The following PRDM11 variants were observed in gnomAD, a reference collection of about 807,000 sequenced individuals.
The protein encoded by PRDM11 is PR/SET domain 11, also known as PR domain-containing protein 11.
In PRDM11, 20 loss-of-function variants were observed where a neutral mutation model predicts 97.8. That is an observed-to-expected ratio of 0.20 (90% CI 0.14 to 0.30). The LOEUF (loss-of-function observed/expected upper bound fraction) is 0.30, where lower values mean the gene tolerates loss of function less well. Among genes scored for constraint, PRDM11 ranks in the 10% least tolerant of loss-of-function variants. The pLI, the probability that PRDM11 is intolerant of heterozygous loss-of-function variation, is 1.00. For missense variants in PRDM11, 1,139 were observed against 1,555.2 expected (o/e 0.73, Z 4.50); for synonymous variants, 599 against 637.7 (o/e 0.94, Z 0.91).
upstream of PRDM11, among the ~76,000 whole-genome samples, chr11:45,145,025 C>A (rs1031892493): frequency 1.3e-5 from 2 of 152,040 alleles, no homozygotes; most frequent in African/African-American, 2.4e-5. Context: ...CTGCCTGGCA[C>A]CAAGCAGAGA....
chr11:45,112,790 G>C (rs1367707134), intron 1 of PRDM11, among the ~76,000 whole-genome samples: 1 of 141,666 alleles, frequency 7.1e-6, no homozygotes, highest in Non-Finnish European at 1.5e-5. Flanking sequence ...GGGATTATTT[G>C]TGTGTGTGTG....
chr11:45,135,128 ACTCTCT>A (rs58588988), intron 1 of PRDM11, among the ~76,000 whole-genome samples: 129 of 148,928 alleles, frequency 8.7e-4, no homozygotes, highest in Non-Finnish European at 1.1e-3. Flanking sequence ...TTTTAATTAT[ACTCTCT>A]CTCTCTCTCT....
rs1565347368 is a variant in PRDM11 at position 45,224,661 on chromosome 11, C to T, written c.1187C>T (p.Ala396Val). 6.2e-7 allele frequency: 1 copy of T among 1,614,190 alleles called. No individual in the cohort carries two copies. The change falls in exon 7 of 8, where the codon GCC becomes GTC. Residue 396 changes from alanine (A) to valine (V), a missense_variant. Physicochemically the swap from Ala to Val is moderately conservative, Grantham distance 64. Coordinates refer to ENST00000683152, the MANE Select transcript of PRDM11 (RefSeq NM_001384648.1). ...SSFKADSPAEASLASDPHELP... is the reference protein window; with the variant it reads ...SSFKADSPAEVSLASDPHELP... Reference sequence around the variant, plus strand: ...TTCAAGGCCGACAGTCCTGCCGAGGCCTCCCTTGCATCTGACCCTCATGAA... The same window carrying T: ...TTCAAGGCCGACAGTCCTGCCGAGGTCTCCCTTGCATCTGACCCTCATGAA...
chr11:45,095,375 A>C (rs188519684), upstream of PRDM11, among the ~76,000 whole-genome samples: 11 of 152,100 alleles, frequency 7.2e-5, no homozygotes, highest in Admixed American at 3.3e-4. Flanking sequence ...ATCCCCTGAC[A>C]TTTGGCCTTG....
intron 1 of PRDM11, among the ~76,000 whole-genome samples, chr11:45,156,988 G>A (rs1283672048): frequency 6.6e-6 from 1 of 152,204 alleles, no homozygotes; most frequent in East Asian, 1.9e-4. Context: ...GGAGAGGCAG[G>A]TGAGGGCCAG....
intron 1 of PRDM11, among the ~76,000 whole-genome samples, chr11:45,101,567 A>AAAAGAAGAAGAAG (rs767802218): frequency 1.4e-4 from 14 of 96,864 alleles, no homozygotes; most frequent in African/African-American, 5.8e-4. Flanking sequence ...AAAAAAAAAA[A>AAAAGAAGAAGAAG]AAGAAGAAGA....
At chr11:45,119,076 A>G (rs1206085330) in intron 1 of PRDM11, among the ~76,000 whole-genome samples, 2 of 152,182 alleles carry the variant, frequency 1.3e-5, no homozygotes, top group African/African-American at 4.8e-5. Flanking sequence ...ACACAAGACC[A>G]TATTCTTCCA....
At chr11:45,209,841 A>T (rs1853655402) in intron 5 of PRDM11, among the ~76,000 whole-genome samples, 1 of 152,206 alleles carries the variant, frequency 6.6e-6, no homozygotes, top group Non-Finnish European at 1.5e-5. Flanking sequence ...AGGAGTGGGT[A>T]AAACTGGCTC....
At chr11:45,125,924 A>G (rs1357401984) in intron 1 of PRDM11, among the ~76,000 whole-genome samples, 1 of 152,138 alleles carries the variant, frequency 6.6e-6, no homozygotes, top group Non-Finnish European at 1.5e-5. Context: ...TGATCTGTCT[A>G]ATGTTGACAG....
intron 5 of PRDM11, among the ~76,000 whole-genome samples, chr11:45,216,528 T>A (rs971345976): frequency 1.3e-5 from 2 of 152,110 alleles, no homozygotes; most frequent in African/African-American, 4.8e-5. Flanking sequence ...AAGCAGGAGA[T>A]CTAATCAGAG....
rs1309969182 is a variant in PRDM11, at chr11:45,146,688, G to C, written c.-196G>C. The C allele has an allele frequency of 6.6e-6, 1 of 151,854 alleles. No homozygotes were observed. The highest frequency in any genetic ancestry group is 2.4e-5 in the African/African-American group (1 of 41,396). 9.4% of individuals were successfully genotyped at this position (151,854 alleles called of 1,614,324 possible). On this transcript the variant is annotated 5_prime_UTR_variant, in exon 1 of 8. Transcript: ENST00000683152. ...GTGGTCAAAGCAGGGGAGGAGAGCA[G>C]CAGCGAGTCGCCGCCGCCGCCGCGC...
chr11:45,189,886 G>A (rs1397627260), intron 4 of PRDM11, among the ~76,000 whole-genome samples: 4 of 152,102 alleles, frequency 2.6e-5, no homozygotes, highest in Admixed American at 6.5e-5. Flanking sequence ...AGGTTTGTTC[G>A]AGAAGAAAGA....
chr11:45,197,075 A>T (rs2135777516), intron 4 of PRDM11, among the ~76,000 whole-genome samples: 1 of 152,268 alleles, frequency 6.6e-6, no homozygotes, highest in African/African-American at 2.4e-5. Context: ...TGAGGGTGGG[A>T]GGTGAAATCA....
chr11:45,177,106 T>C (rs1019025989), intron 1 of PRDM11, among the ~76,000 whole-genome samples: 4 of 152,206 alleles, frequency 2.6e-5, no homozygotes, highest in Non-Finnish European at 5.9e-5. Flanking sequence ...TGCCAGCCTC[T>C]AGGGAAACCA....
chr11:45,186,975 T>C (rs571093744), intron 4 of PRDM11, among the ~76,000 whole-genome samples: 1 of 152,336 alleles, frequency 6.6e-6, no homozygotes, highest in South Asian at 2.1e-4. Flanking sequence ...GTTTTGGTTA[T>C]GTGTCCAGGT....
intron 1 of PRDM11, among the ~76,000 whole-genome samples, chr11:45,179,886 TG>T (rs1852424777): frequency 6.6e-6 from 1 of 152,104 alleles, no homozygotes; most frequent in Non-Finnish European, 1.5e-5. Context: ...GGATGTATGG[TG>T]GGGGGTACTG....
At chr11:45,213,958 C>T in intron 5 of PRDM11, 1 of 347,942 alleles carries the variant, frequency 2.9e-6, no homozygotes, top group Non-Finnish European at 5.7e-6. Context: ...CTGCTTCTGC[C>T]TCAGCTGTCC....
chr11:45,144,547 C>CT (rs1308799144), upstream of PRDM11, among the ~76,000 whole-genome samples: 2 of 152,206 alleles, frequency 1.3e-5, no homozygotes, highest in Admixed American at 1.3e-4. Flanking sequence ...TCTTAAAGAT[C>CT]TTTTTGCTCT....
At chr11:45,141,543 T>A (rs1851403981) in intron 1 of PRDM11, among the ~76,000 whole-genome samples, 1 of 152,176 alleles carries the variant, frequency 6.6e-6, no homozygotes, top group South Asian at 2.1e-4. Flanking sequence ...TTCAGGTAGC[T>A]CATGATCCTC....
Sources: allele counts gnomAD v4.1 joint callset (sites outside exome capture counted in the v4.1 genomes callset), GRCh38; gene constraint gnomAD v4.1.1; transcripts MANE v1.5; gene names NCBI Gene and HGNC (gene_info 2026-07-23, HGNC 2026-07-21).